HLA-DRB1: variants seen among roughly 807,000 people sequenced by gnomAD.
HLA-DRB1 encodes major histocompatibility complex, class II, DR beta 1, also known as major histocompatibility complex, class II, DR beta 1 precursor.
A neutral mutation model predicts 27.9 loss-of-function variants in HLA-DRB1; 10 were observed. The observed-to-expected ratio is 0.36, with a 90% CI of 0.22 to 0.61. The LOEUF (loss-of-function observed/expected upper bound fraction) is 0.61. HLA-DRB1 is among the 20% of genes least tolerant of loss of function. The probability of loss-of-function intolerance (pLI) is 0.73; values close to 1 mark genes in which losing one functional copy is unlikely to be tolerated. For missense variants in HLA-DRB1, 118 were observed against 306.3 expected, an observed-to-expected ratio of 0.39 and a Z score of 4.59; for synonymous variants, 57 against 126.7, an observed-to-expected ratio of 0.45 and a Z score of 3.69.
chr6:32,581,012 A>G (rs72850215), intron 3 of HLA-DRB1, among the ~76,000 whole-genome samples, 156 bp from the exon 4 acceptor site: 10,649 of 94,340 alleles, frequency 0.11, 2,378 homozygotes, highest in Non-Finnish European at 0.15. Context: ...TTCAAATTAC[A>G]CTGAACAGTT....
chr6:32,583,808 T>A (rs28724075), intron 2 of HLA-DRB1, among the ~76,000 whole-genome samples: 117 of 57,580 alleles, frequency 2.0e-3, no homozygotes, highest in Middle Eastern at 0.012. Flanking sequence ...CCCACCTCCC[T>A]TGTCACCTCC....
chr6:32,586,068 G>A (rs985131044), intron 1 of HLA-DRB1, among the ~76,000 whole-genome samples: 1 of 64,502 alleles, frequency 1.6e-5, no homozygotes, highest in Admixed American at 1.7e-4. Flanking sequence ...TGAAATACTG[G>A]CTGTGTTAAA....
rs1219485135 is a variant in HLA-DRB1, at chr6:32,578,971, C to T, written c.*120G>A. ...AGGACATTTTCTGCAGTTGCCGAAC[C>T]AGTAGCAACCAGGTCCTGAGAAAGC... On this transcript the variant is annotated 3_prime_UTR_variant, in exon 6 of 6. Transcript: ENST00000360004. 6.2e-6 allele frequency: 3 copies of T among 483,690 alleles called. 1 individual carries two copies. Among genetic ancestry groups the T allele is most frequent in the Non-Finnish European group, 1.1e-5 (3 of 271,032 alleles). The allele number at this position is 483,690 out of a possible 1,614,324, so 30.0% of individuals were successfully genotyped here.
At chr6:32,588,122 G>C (rs1370343374) in intron 1 of HLA-DRB1, among the ~76,000 whole-genome samples, 1 of 128,586 alleles carries the variant, frequency 7.8e-6, no homozygotes, top group Non-Finnish European at 1.7e-5. Flanking sequence ...CACAGATAAA[G>C]AAACAGTGAT....
chr6:32,580,866 G>A lies in HLA-DRB1; in HGVS notation c.653-10C>T, dbSNP rs200489899. On this transcript the variant is annotated splice_polypyrimidine_tract_variant and intron_variant, in intron 3 of 5. Transcript: ENST00000360004. ...GATTCAGACCGTGCTCCTGAGAGAG[G>A]AAGCCAGGTTTAGTGATGTTTATTC... 9.7e-3 allele frequency: 15,567 copies of A among 1,602,082 alleles called. 293 individuals are homozygous for A. The highest frequency in any genetic ancestry group is 0.05 in the South Asian group (4,460 of 90,024).
At position 32,583,104 on chromosome 6, in the gene HLA-DRB1, T is replaced by A. The variant is rs796285796; in HGVS notation, c.370+1005A>T. 3.2e-4 allele frequency among the ~76,000 whole-genome samples: 29 copies of A among 91,578 alleles called. 1 individual carries two copies. The highest frequency in any genetic ancestry group is 1.2e-3 in the African/African-American group (26 of 21,870). The allele number at this position is 91,578 out of a possible 152,430, so 60.1% of individuals were successfully genotyped here. A position where few individuals can be genotyped will look rare whatever the true frequency, so the allele number is the denominator to read the frequency against. Reference sequence around the variant, plus strand: ...CTTATAGTACAAAGAACGCAGAAAGTCACTGAGAAAAATACTAAGCCCTCA... The same window carrying A: ...CTTATAGTACAAAGAACGCAGAAAGACACTGAGAAAAATACTAAGCCCTCA... On this transcript the variant is annotated intron_variant, in intron 2 of 5. Transcript: ENST00000360004.
At chr6:32,581,158 A>G (rs35534072) in intron 3 of HLA-DRB1, among the ~76,000 whole-genome samples, 39 of 76,692 alleles carry the variant, frequency 5.1e-4, no homozygotes, top group Admixed American at 1.0e-3. Context: ...AATAAAAAGC[A>G]GGGCTGAGAT....
intron 5 of HLA-DRB1, among the ~76,000 whole-genome samples, 158 bp from the exon 6 acceptor site, chr6:32,579,262 A>C (rs558011976): frequency 1.5e-5 from 1 of 68,554 alleles, no homozygotes; most frequent in Non-Finnish European, 3.0e-5. Flanking sequence ...ACCTTTTCTA[A>C]GTGGAGAGGA....
intron 1 of HLA-DRB1, among the ~76,000 whole-genome samples, chr6:32,588,613 T>C (rs138283331): frequency 1.6e-5 from 1 of 64,496 alleles, no homozygotes; most frequent in Non-Finnish European, 3.2e-5. Flanking sequence ...GAGGGCATGA[T>C]GGGTGAACCT....
Position 32,584,344 on chromosome 6 carries a change from A to T in HLA-DRB1, c.135T>A (p.His45Gln), listed in dbSNP as rs17879981. Residue 45 changes from histidine (H) to glutamine (Q), a missense_variant, in exon 2 of 6, where the codon CAT (histidine) becomes CAA (glutamine). Around this residue, in one of 5 missense-constraint regions of HLA-DRB1, gnomAD observed 42 missense variants for 104.2 expected, o/e 0.40. Transcript: ENST00000360004. ...GCACCCGCTCCGTCCCATTGAAGAA[A>T]TGACACTCCCTCTTAGGCTGCCACA... is the stretch of plus-strand genomic sequence containing the variant. 875 of 982,574 alleles carry T rather than the reference A, an allele frequency of 8.9e-4. 13 individuals are homozygous for T. The East Asian group carries it at 0.022, about 25-fold the overall frequency. The allele number at this position is 982,574 out of a possible 1,614,324, so 60.9% of individuals were successfully genotyped here.
rs1162716572 is a variant in HLA-DRB1, at chr6:32,589,068, A to G, written c.100+575T>C. On this transcript the variant is annotated intron_variant, in intron 1 of 5. Coordinates refer to ENST00000360004, the Ensembl canonical transcript of HLA-DRB1. ...ACAAGAAAGGAAGAGCACTAAGTAT[A>G]ACTTCTGTCAGAGAACCTACATACA... Among the ~76,000 whole-genome samples, 3 of 116,874 alleles carry G rather than the reference A, an allele frequency of 2.6e-5. 1 individual carries two copies. Among genetic ancestry groups the G allele is most frequent in the African/African-American group, 9.5e-5 (3 of 31,494 alleles). 76.7% of individuals were successfully genotyped at this position (116,874 alleles called of 152,430 possible).
At chr6:32,584,747 G>T (rs28724133) in intron 1 of HLA-DRB1, among the ~76,000 whole-genome samples, 1 of 86,978 alleles carries the variant, frequency 1.1e-5, no homozygotes, top group Non-Finnish European at 2.3e-5. Context: ...ACGCTTTACC[G>T]GTACCTTCAA....
intron 2 of HLA-DRB1, among the ~76,000 whole-genome samples, chr6:32,583,844 A>G (rs9269926): frequency 0.28 from 10,214 of 35,874 alleles, 2,700 homozygotes; most frequent in East Asian, 0.48. Flanking sequence ...AGGATAAGAA[A>G]CAGCCCCCTC....
chr6:32,589,483 T>G (rs34159068), intron 1 of HLA-DRB1, among the ~76,000 whole-genome samples, 160 bp downstream of exon 1: 74 of 83,240 alleles, frequency 8.9e-4, no homozygotes, highest in East Asian at 1.3e-3. Flanking sequence ...GTACCCAAGC[T>G]CCTTTTATGG....
chr6:32,585,579 C>A (rs1217571392), intron 1 of HLA-DRB1, among the ~76,000 whole-genome samples: 6 of 140,878 alleles, frequency 4.3e-5, no homozygotes, highest in Non-Finnish European at 9.2e-5. Context: ...TTTTTGTATT[C>A]CTTAATTCTA....
chr6:32,587,846 G>C (rs28724160), intron 1 of HLA-DRB1, among the ~76,000 whole-genome samples: 3,882 of 122,694 alleles, frequency 0.032, 6 homozygotes, highest in East Asian at 0.042. Flanking sequence ...ACTTCCATGA[G>C]AGTAGGGACG....
chr6:32,581,837 G>A (rs140866337), exon 3 of HLA-DRB1: 105,455 of 1,160,308 alleles, frequency 0.091, 10,757 homozygotes, highest in African/African-American at 0.099. Context: ...CCTTAGGTTG[G>A]ACTAGGAGAA....
rs1188220683 is a variant in HLA-DRB1 at position 32,579,826 on chromosome 6, G to C, written c.787+421C>G. Reference sequence around the variant, plus strand: ...TGCATTTAGAAACCTCTTGTAGGCCGGGCGCGGTGGCTCACGCCTGTAATC... The same window carrying C: ...TGCATTTAGAAACCTCTTGTAGGCCCGGCGCGGTGGCTCACGCCTGTAATC... On this transcript the variant is annotated intron_variant, in intron 5 of 5. Transcript: ENST00000360004. Among the ~76,000 whole-genome samples, 2 of 34,636 alleles carry C rather than the reference G, an allele frequency of 5.8e-5. 1 individual carries two copies. Among genetic ancestry groups the C allele is most frequent in the Non-Finnish European group, 1.2e-4 (2 of 16,448 alleles). 22.7% of individuals were successfully genotyped at this position (34,636 alleles called of 152,430 possible). A position where few individuals can be genotyped will look rare whatever the true frequency, so the allele number is the denominator to read the frequency against.
intron 1 of HLA-DRB1, among the ~76,000 whole-genome samples, chr6:32,587,098 A>G (rs1318805267): frequency 1.6e-5 from 1 of 63,114 alleles, no homozygotes; most frequent in African/African-American, 6.2e-5. Context: ...AACATTGAAT[A>G]TAGGCCGGGC....
Sources: gnomAD v4.1 joint callset for allele counts (sites outside exome capture counted in the v4.1 genomes callset) on GRCh38, gnomAD v4.1.1 for gene constraint, gnomAD v4.1.1 regional missense constraint, MANE v1.5 for transcripts, NCBI Gene and HGNC (gene_info 2026-07-23, HGNC 2026-07-21) for gene names.